The following CARD10 variants were observed in gnomAD, a reference collection of about 807,000 sequenced individuals.
CARD10 encodes the protein caspase recruitment domain family member 10, also known as caspase recruitment domain-containing protein 10.
A neutral mutation model predicts 114.6 loss-of-function variants in CARD10; 49 were observed. That is an observed-to-expected ratio of 0.43 (90% CI 0.34 to 0.54). The LOEUF (loss-of-function observed/expected upper bound fraction) is 0.54. Among genes scored for constraint, CARD10 ranks in the 20% least tolerant of loss-of-function variants. The pLI, the probability that CARD10 is intolerant of heterozygous loss-of-function variation, is 0.03. For synonymous variants in CARD10, 602 were observed against 593.2 expected (o/e 1.01, Z -0.21); for missense variants, 1,206 against 1,397.2 (o/e 0.86, Z 2.18).
chr22:37,505,688 C>G (rs1485981158), intron 7 of CARD10, among the ~76,000 whole-genome samples: 1 of 151,620 alleles, frequency 6.6e-6, no homozygotes, highest in Non-Finnish European at 1.5e-5. Flanking sequence ...AGCCTGAGGA[C>G]CACGATCCAA....
intron 11 of CARD10, 89 bp from the exon 12 acceptor site, chr22:37,497,267 T>C (rs1923039881): frequency 2.1e-6 from 3 of 1,395,636 alleles, no homozygotes; most frequent in African/African-American, 1.4e-5. Flanking sequence ...TGATTTCATT[T>C]CCCAAGTATG....
intron 5 of CARD10, 81 bp from the exon 6 acceptor site, chr22:37,508,035 G>C: frequency 6.5e-7 from 1 of 1,539,232 alleles, no homozygotes; most frequent in Non-Finnish European, 8.9e-7. Flanking sequence ...AGGAGGGCCA[G>C]TGAGAGACGC....
intron 3 of CARD10, among the ~76,000 whole-genome samples, chr22:37,511,409 A>G (rs1038650659): frequency 2.0e-4 from 17 of 83,700 alleles, no homozygotes; most frequent in African/African-American, 3.8e-4. Flanking sequence ...GAGGAGGAGG[A>G]GGGGAGGAGG....
chr22:37,518,415 C>G (rs946771293), intron 1 of CARD10, among the ~76,000 whole-genome samples: 1 of 152,196 alleles, frequency 6.6e-6, no homozygotes, highest in Non-Finnish European at 1.5e-5. Flanking sequence ...TCCCCAGAAG[C>G]AAAGAAAATA....
At position 37,515,831 on chromosome 22, in the gene CARD10, G is replaced by A. The variant is rs1923826229; in HGVS notation, c.699+142C>T. ...TTGAGAACCACAGTCATAACCCAAT[G>A]AAGTAGGTACACCGAGCACTAAAAG... On this transcript the variant is annotated intron_variant, in intron 3 of 19. Transcript: ENST00000251973. 1.6e-5 allele frequency: 10 copies of A among 639,354 alleles called. No homozygotes were observed. The East Asian group carries it at 2.5e-4, about 16-fold the overall frequency. The allele number at this position is 639,354 out of a possible 1,614,324, so 39.6% of individuals were successfully genotyped here.
chr22:37,503,999 T>G, intron 9 of CARD10, 187 bp downstream of exon 9: 3 of 713,296 alleles, frequency 4.2e-6, no homozygotes, highest in Non-Finnish European at 7.8e-6. Context: ...GGCCTTATCT[T>G]AAGCCTGACC....
At position 37,496,856 on chromosome 22, in the gene CARD10, A is replaced by C; in HGVS notation, c.1947+163T>G. The C allele has an allele frequency of 1.2e-6, 1 of 853,982 alleles. No homozygotes were observed. Among genetic ancestry groups the C allele is most frequent in the Non-Finnish European group, 1.8e-6 (1 of 548,316 alleles). The allele number at this position is 853,982 out of a possible 1,614,324, so 52.9% of individuals were successfully genotyped here. ...GTCCCTGCCCAATCAGACTTCAATT[A>C]AGCCTGGCTGAGCAGGCAACCACAG... On this transcript the variant is annotated intron_variant, in intron 12 of 19. Coordinates refer to ENST00000251973, the MANE Select transcript of CARD10 (RefSeq NM_014550.4). The surrounding 1 kb of genome is among the most constrained non-coding windows in gnomAD (Gnocchi z 4.1).
In CARD10 at chr22:37,490,939, A is replaced by G; in HGVS notation, c.*220T>C. On this transcript the variant is annotated 3_prime_UTR_variant, in exon 20 of 20. Transcript: ENST00000251973. ...TGTGGAGACCCCAGGAAAGGTGGGG[A>G]GGCCCAGAGCAGCAAGTAGAGGGGA... 1 of 573,780 alleles carries G rather than the reference A, an allele frequency of 1.7e-6. No homozygotes were observed. The highest frequency in any genetic ancestry group is 3.1e-6 in the Non-Finnish European group (1 of 321,288). The allele number at this position is 573,780 out of a possible 1,614,324, so 35.5% of individuals were successfully genotyped here.
intron 2 of CARD10, among the ~76,000 whole-genome samples, chr22:37,516,808 G>A (rs1923859249): frequency 6.6e-6 from 1 of 152,082 alleles, no homozygotes; most frequent in Admixed American, 6.5e-5. Context: ...TGTAAGGTAG[G>A]TACTATTATT....
intron 3 of CARD10, 53 bp from the exon 4 acceptor site, chr22:37,510,474 G>A (rs997996899): frequency 6.5e-6 from 10 of 1,548,996 alleles, no homozygotes; most frequent in Non-Finnish European, 8.8e-6. Flanking sequence ...GGAGCCACGG[G>A]TTACAGGGGT....
At position 37,491,330 on chromosome 22, in the gene CARD10, C is replaced by T. The variant is rs1438532360; in HGVS notation, c.2928G>A (p.Glu976=). 2 of 1,554,456 alleles carry T rather than the reference C, an allele frequency of 1.3e-6. No homozygotes were observed. The highest frequency in any genetic ancestry group is 1.7e-6 in the Non-Finnish European group (2 of 1,154,956). ...SELLRQCRGS[E]QVLWGLPCSW... ...AGCAGGGCAGCCCCCAGAGCACCTG[C>T]TCTGAGCCACGGCACTGCCGCAGCA... is the stretch of plus-strand genomic sequence containing the variant. Residue 976 remains glutamate (E), a synonymous_variant, in exon 20 of 20, where the codon GAG becomes GAA. Transcript: ENST00000251973.
rs1922967876 is a variant in CARD10, at chr22:37,495,523, G to A, written c.2367C>T (p.Arg789=). 1 of 1,611,150 alleles carries A rather than the reference G, an allele frequency of 6.2e-7. No individual in the cohort carries two copies. Among genetic ancestry groups the A allele is most frequent in the South Asian group, 1.1e-5 (1 of 90,134 alleles). ...CLPSSRHRGP[R]SNLKKRALDQ... Reference sequence around the variant, plus strand: ...CCTGCCCAGCCGTGCTCACATTACTGCGGGGGCCTCGGTGCCGGCTGGAGG... The same window carrying A: ...CCTGCCCAGCCGTGCTCACATTACTACGGGGGCCTCGGTGCCGGCTGGAGG... Residue 789 remains arginine, a synonymous_variant, in exon 15 of 20, where the codon CGC becomes CGT. Coordinates refer to ENST00000251973, the MANE Select transcript of CARD10 (RefSeq NM_014550.4).
intron 3 of CARD10, among the ~76,000 whole-genome samples, chr22:37,512,792 C>T (rs771781002): frequency 1.3e-4 from 20 of 152,172 alleles, no homozygotes; most frequent in Non-Finnish European, 2.1e-4. Context: ...GAGTCTCCGA[C>T]GAGCAACAGG....
At chr22:37,504,441 C>T (rs952038108) in intron 8 of CARD10, 140 bp from the exon 9 acceptor site, 24 of 1,072,890 alleles carry the variant, frequency 2.2e-5, no homozygotes, top group African/African-American at 3.2e-5. Context: ...TTATAGTGTG[C>T]GGGTGGCTCC....
In CARD10 at chr22:37,492,337, G is replaced by T; in HGVS notation, c.2751+98C>A. The stretch of plus-strand genomic sequence containing the variant: ...GGCCGCCCTGCCAGTGAGCAGCAGA[G>T]CATGGCCCGCGCTCAGACGCTGGCG... On this transcript the variant is annotated intron_variant, in intron 18 of 19. Coordinates refer to ENST00000251973, the MANE Select transcript of CARD10 (RefSeq NM_014550.4). This position sits in a 1 kb window ranked among gnomAD's most constrained non-coding sequence, Gnocchi z 5.7. 1.1e-6 allele frequency: 1 copy of T among 904,248 alleles called. No individual in the cohort carries two copies. The highest frequency in any genetic ancestry group is 1.6e-6 in the Non-Finnish European group (1 of 609,092). 56.0% of individuals were successfully genotyped at this position (904,248 alleles called of 1,614,324 possible). A position where few individuals can be genotyped will look rare whatever the true frequency, so the allele number is the denominator to read the frequency against.
intron 2 of CARD10, among the ~76,000 whole-genome samples, chr22:37,516,657 T>C (rs1923855285): frequency 6.6e-6 from 1 of 152,078 alleles, no homozygotes; most frequent in Admixed American, 6.6e-5. Context: ...ACAAAAACTA[T>C]CAATAGGCAA....
intron 5 of CARD10, 21 bp downstream of exon 5, chr22:37,508,506 A>C: frequency 6.4e-7 from 1 of 1,572,682 alleles, no homozygotes; most frequent in Non-Finnish European, 8.6e-7. Flanking sequence ...CACAAGGGGC[A>C]GGGCACGGGC....
chr22:37,506,396 G>C lies in CARD10; in HGVS notation c.1192-13C>G. The C allele has an allele frequency of 6.5e-7, 1 of 1,533,446 alleles. No individual in the cohort carries two copies. The highest frequency in any genetic ancestry group is 8.8e-7 in the Non-Finnish European group (1 of 1,132,016). 95.0% of individuals were successfully genotyped at this position (1,533,446 alleles called of 1,614,324 possible). On this transcript the variant is annotated splice_polypyrimidine_tract_variant and intron_variant, in intron 6 of 19. Transcript: ENST00000251973. The stretch of plus-strand genomic sequence containing the variant: ...GGCTCTGGATGGCCTAGGGTTGGGG[G>C]AGGGGAGGCAGCAGCTGAAGGAGCC...
At chr22:37,499,894 GCTGGCTGC>G (rs1923150098) in intron 11 of CARD10, among the ~76,000 whole-genome samples, 1 of 152,032 alleles carries the variant, frequency 6.6e-6, no homozygotes, top group Non-Finnish European at 1.5e-5. Flanking sequence ...TGGCTGACCA[GCTGGCTGC>G]CTGTGTGGTA....
Sources: gnomAD v4.1 joint callset for allele counts (sites outside exome capture counted in the v4.1 genomes callset) on GRCh38, gnomAD v4.1.1 for gene constraint, Gnocchi (gnomAD v3.1) non-coding constraint, MANE v1.5 for transcripts, NCBI Gene and HGNC (gene_info 2026-07-23, HGNC 2026-07-21) for gene names.